The following SUPT3H variants were observed in gnomAD, a reference collection of about 807,000 sequenced individuals.
SUPT3H encodes the protein transcription initiation protein SPT3 homolog.
In SUPT3H, 44 loss-of-function variants were observed where a neutral mutation model predicts 44.3. The observed-to-expected ratio is 0.99, with a 90% CI of 0.78 to 1.28. The LOEUF (loss-of-function observed/expected upper bound fraction) is 1.28, where lower values mean the gene tolerates loss of function less well. SUPT3H is among the 50% of genes most tolerant of loss of function. SUPT3H has a pLI of 0.00. For synonymous variants in SUPT3H, 124 were observed against 125.6 expected (o/e 0.99, Z 0.09); for missense variants, 380 against 387.1 (o/e 0.98, Z 0.15).
chr6:44,954,645 T>G, intron 7 of SUPT3H, 38 bp from the exon 8 acceptor site: 1 of 1,242,874 alleles, frequency 8.0e-7, no homozygotes, highest in African/African-American at 1.5e-5. Context: ...AAATTTTAAT[T>G]TTTAAAGTGT....
intron 2 of SUPT3H, among the ~76,000 whole-genome samples, chr6:45,307,528 C>T (rs757621228): frequency 1.3e-5 from 2 of 152,158 alleles, no homozygotes; most frequent in African/African-American, 4.8e-5. Flanking sequence ...GGAGCTCCAG[C>T]GAACTCCAAC....
rs146614259 is a variant in SUPT3H at position 45,357,220 on chromosome 6, G to C, written c.101+7981C>G. ...GACGGGGTTTCACCATGTTAGCCAG[G>C]ATGGTCTCAATCTCCTGACCTTCTG... On this transcript the variant is annotated intron_variant, in intron 2 of 10. Transcript: ENST00000371459. Among the ~76,000 whole-genome samples, 12 of 152,090 alleles carry C rather than the reference G, an allele frequency of 7.9e-5. No homozygotes were observed. The East Asian group carries it at 2.3e-3, about 30-fold the overall frequency.
rs755402154 is a variant in SUPT3H at position 44,951,827 on chromosome 6, T to C, written c.801+1483A>G. 1.1e-3 allele frequency among the ~76,000 whole-genome samples: 169 copies of C among 152,270 alleles called. 2 individuals carry two copies. The highest frequency in any genetic ancestry group is 0.01 in the Middle Eastern group (3 of 294). ...TAGGCCCGTTGTGTTCACAGTAAAT[T>C]TTCTCAATTAGAAATGTTATAACAA... On this transcript the variant is annotated intron_variant, in intron 9 of 10. Coordinates refer to ENST00000371459, the MANE Select transcript of SUPT3H (RefSeq NM_003599.4).
chr6:44,914,882 A>C (rs1178453821), intron 10 of SUPT3H, among the ~76,000 whole-genome samples: 1 of 152,148 alleles, frequency 6.6e-6, no homozygotes, highest in Non-Finnish European at 1.5e-5. Context: ...CAGATCAGGA[A>C]ATACGATGTA....
intron 2 of SUPT3H, among the ~76,000 whole-genome samples, chr6:45,292,921 A>G (rs1285737379): frequency 6.6e-6 from 1 of 151,510 alleles, no homozygotes; most frequent in African/African-American, 2.4e-5. Flanking sequence ...AGCAGTAGAT[A>G]GGTCATTAAG....
At chr6:45,198,407 C>T (rs1049090893) in intron 2 of SUPT3H, among the ~76,000 whole-genome samples, 2 of 151,154 alleles carry the variant, frequency 1.3e-5, no homozygotes, top group African/African-American at 4.8e-5. Context: ...ACACACAAGC[C>T]TTGCAATTTA....
At chr6:44,870,697 C>T (rs566305007) in intron 10 of SUPT3H, among the ~76,000 whole-genome samples, 37 of 151,514 alleles carry the variant, frequency 2.4e-4, no homozygotes, top group Middle Eastern at 3.4e-3. Context: ...GCATGAGCGA[C>T]GCAGAAGACG....
At chr6:45,282,530 T>A (rs1380321371) in intron 2 of SUPT3H, among the ~76,000 whole-genome samples, 1 of 151,804 alleles carries the variant, frequency 6.6e-6, no homozygotes, top group Non-Finnish European at 1.5e-5. Context: ...AAGAGAAGTT[T>A]CGAAAAAAAG....
chr6:45,199,305 C>G (rs1328730781), intron 2 of SUPT3H, among the ~76,000 whole-genome samples: 4 of 150,830 alleles, frequency 2.7e-5, no homozygotes, highest in African/African-American at 9.7e-5. Flanking sequence ...TTTATTATAC[C>G]CTTCAGAACT....
chr6:45,160,110 G>T (rs747877281), intron 2 of SUPT3H, among the ~76,000 whole-genome samples: 9 of 152,152 alleles, frequency 5.9e-5, no homozygotes, highest in Non-Finnish European at 4.4e-5. Context: ...AATGGTTAAA[G>T]CCAAGGTCAT....
At chr6:45,003,425 A>T (rs929353502) in intron 6 of SUPT3H, among the ~76,000 whole-genome samples, 1 of 152,138 alleles carries the variant, frequency 6.6e-6, no homozygotes, top group Non-Finnish European at 1.5e-5. Context: ...TCATTTTCAA[A>T]ACGGGAAATA....
intron 10 of SUPT3H, among the ~76,000 whole-genome samples, chr6:44,928,005 T>A (rs561281876): frequency 6.6e-6 from 1 of 152,322 alleles, no homozygotes; most frequent in East Asian, 1.9e-4. Context: ...TATTAAGAGC[T>A]TAGTTCTTAC....
At chr6:45,155,328 G>A (rs1807635461) in intron 2 of SUPT3H, among the ~76,000 whole-genome samples, 1 of 152,080 alleles carries the variant, frequency 6.6e-6, no homozygotes, top group Admixed American at 6.6e-5. Context: ...CCAAGAAGAT[G>A]GTGAACTAGT....
intron 9 of SUPT3H, among the ~76,000 whole-genome samples, chr6:44,949,964 C>T (rs1180664883): frequency 6.6e-6 from 1 of 152,204 alleles, no homozygotes; most frequent in East Asian, 1.9e-4. Flanking sequence ...AAGCATTTGT[C>T]CTTCCAGACT....
At chr6:45,190,265 A>G (rs1814908980) in intron 2 of SUPT3H, among the ~76,000 whole-genome samples, 1 of 152,182 alleles carries the variant, frequency 6.6e-6, no homozygotes, top group Admixed American at 6.5e-5. Context: ...ACATATCTTG[A>G]AAAAGATTCA....
At chr6:45,144,866 A>G (rs1805787678) in intron 2 of SUPT3H, among the ~76,000 whole-genome samples, 1 of 152,144 alleles carries the variant, frequency 6.6e-6, no homozygotes, top group African/African-American at 2.4e-5. Context: ...TAGCACTGCT[A>G]TACACTAACA....
At chr6:45,376,606 C>T (rs552677597) in intron 1 of SUPT3H, among the ~76,000 whole-genome samples, 1 of 152,336 alleles carries the variant, frequency 6.6e-6, no homozygotes, top group East Asian at 1.9e-4. Flanking sequence ...CTTAGGCATA[C>T]TTCGCTCCAA....
chr6:45,129,411 C>T (rs758137603), intron 2 of SUPT3H, among the ~76,000 whole-genome samples: 8 of 152,150 alleles, frequency 5.3e-5, no homozygotes, highest in Non-Finnish European at 1.0e-4. Flanking sequence ...GAATCAAGTC[C>T]TCGCACAACA....
At chr6:45,295,800 T>C (rs1011159820) in intron 2 of SUPT3H, among the ~76,000 whole-genome samples, 4 of 151,990 alleles carry the variant, frequency 2.6e-5, no homozygotes, top group East Asian at 1.9e-4. Context: ...CCTGCAAGAA[T>C]GGCCATAATC....
Sources: allele counts gnomAD v4.1 joint callset (sites outside exome capture counted in the v4.1 genomes callset), GRCh38; gene constraint gnomAD v4.1.1; transcripts MANE v1.5; gene names NCBI Gene and HGNC (gene_info 2026-07-23, HGNC 2026-07-21).